NTRK3: variants seen among roughly 807,000 people sequenced by gnomAD.
The protein encoded by NTRK3 is NT-3 growth factor receptor.
In NTRK3, 24 loss-of-function variants were observed where a neutral mutation model predicts 91.7. The ratio of observed to expected loss-of-function variants is 0.26; its 90% CI spans 0.19 to 0.37. The LOEUF (loss-of-function observed/expected upper bound fraction) is 0.37. Among genes scored for constraint, NTRK3 ranks in the 10% least tolerant of loss-of-function variants. The pLI is 1.00. For synonymous variants in NTRK3, 483 were observed against 404.0 expected (o/e 1.20, Z -2.34); for missense variants, 880 against 1,068.9 (o/e 0.82, Z 2.46).
exon 17 of NTRK3, chr15:87,929,379 C>T (rs891767826): frequency 1.2e-6 from 2 of 1,614,118 alleles, no homozygotes; most frequent in African/African-American, 1.3e-5. Context: ...CCCAGCTCAC[C>T]CTTGGCCTGG....
intron 5 of NTRK3, among the ~76,000 whole-genome samples, chr15:88,157,399 T>G (rs1368712299): frequency 6.6e-6 from 1 of 151,894 alleles, no homozygotes; most frequent in East Asian, 1.9e-4. Flanking sequence ...CAAGGACATT[T>G]GGGTTTCTGC....
intron 14 of NTRK3, among the ~76,000 whole-genome samples, chr15:87,991,144 T>C (rs1244157862): frequency 6.6e-6 from 1 of 152,144 alleles, no homozygotes; most frequent in African/African-American, 2.4e-5. Context: ...TGTACCATCC[T>C]CATCATTTTC....
At chr15:88,017,750 C>T (rs747211242) in intron 14 of NTRK3, among the ~76,000 whole-genome samples, 3 of 152,180 alleles carry the variant, frequency 2.0e-5, no homozygotes, top group Non-Finnish European at 4.4e-5. Context: ...GTTGATGTCT[C>T]TGTCAAACCA....
At chr15:88,085,477 C>T (rs930216073) in intron 13 of NTRK3, among the ~76,000 whole-genome samples, 15 of 152,156 alleles carry the variant, frequency 9.9e-5, no homozygotes, top group African/African-American at 2.7e-4. Context: ...CCCCTTCAGC[C>T]GGCACCCCAG....
intron 13 of NTRK3, among the ~76,000 whole-genome samples, chr15:88,036,020 G>T (rs1250873249): frequency 3.3e-5 from 5 of 152,050 alleles, no homozygotes; most frequent in Admixed American, 1.3e-4. Flanking sequence ...TTGATAAAGA[G>T]ATCCACCATC....
chr15:88,047,317 C>A (rs2080312503), intron 13 of NTRK3, among the ~76,000 whole-genome samples: 1 of 152,022 alleles, frequency 6.6e-6, no homozygotes, highest in Non-Finnish European at 1.5e-5. Context: ...ATATAATATA[C>A]TTATGTGTAA....
rs2049406512 is a variant in NTRK3, at chr15:88,213,102, G to T, written c.249-28803C>A. On this transcript the variant is annotated intron_variant, in intron 3 of 18. Coordinates refer to ENST00000394480, the Ensembl canonical transcript of NTRK3. ...ATGCCTGACTGAGACTAGCACAAATGTCTTTCTGGTGTGGATTTTCTTGCA... is the reference window on the plus strand; with the variant it reads ...ATGCCTGACTGAGACTAGCACAAATTTCTTTCTGGTGTGGATTTTCTTGCA... Among the ~76,000 whole-genome samples the T allele has an allele frequency of 2.6e-5, 4 of 152,326 alleles. No homozygotes were observed. The South Asian group carries it at 8.3e-4, about 32-fold the overall frequency.
intron 14 of NTRK3, among the ~76,000 whole-genome samples, chr15:87,993,944 C>T (rs2075482847): frequency 6.6e-6 from 1 of 152,102 alleles, no homozygotes; most frequent in South Asian, 2.1e-4. Flanking sequence ...TTGCAAATAC[C>T]TAAATATCAA....
At position 88,240,749 on chromosome 15, in the gene NTRK3, TTAAAA is replaced by T. The variant is rs761203209; in HGVS notation, c.248+15152_248+15156del. The stretch of plus-strand genomic sequence containing the variant: ...TCACTGTGCTGAGAATGGAAGCGGG[TTAAAA>T]TAAAAGTCCCCTTAAAGGAGCCCCC... On this transcript the variant is annotated intron_variant, in intron 3 of 18. Coordinates refer to ENST00000394480, the Ensembl canonical transcript of NTRK3. The surrounding 1 kb of genome is among the most constrained non-coding windows in gnomAD (Gnocchi z 4.9). 2.0e-5 allele frequency among the ~76,000 whole-genome samples: 3 copies of T among 152,014 alleles called. No homozygotes were observed. Among genetic ancestry groups the T allele is most frequent in the Non-Finnish European group, 4.4e-5 (3 of 68,004 alleles).
Position 88,019,744 on chromosome 15 carries a change from G to C in NTRK3, c.1585+13113C>G, listed in dbSNP as rs543340806. Among the ~76,000 whole-genome samples, 6 of 152,286 alleles carry C rather than the reference G, an allele frequency of 3.9e-5. No individual in the cohort carries two copies. In the South Asian group the frequency reaches 1.2e-3, roughly 32 times the overall value. On this transcript the variant is annotated intron_variant, in intron 14 of 18. Transcript: ENST00000394480. ...CTGGTGATATAGCAAAATACAGAAAGGCAGAGGCAGGAGAATCACAAAAAG... is the reference window on the plus strand; with the variant it reads ...CTGGTGATATAGCAAAATACAGAAACGCAGAGGCAGGAGAATCACAAAAAG...
intron 3 of NTRK3, among the ~76,000 whole-genome samples, chr15:88,191,101 A>C (rs926876722): frequency 2.6e-5 from 4 of 151,836 alleles, no homozygotes; most frequent in African/African-American, 9.7e-5. Context: ...GCGGTACCTA[A>C]GCGTACGACA....
intron 5 of NTRK3, 130 bp downstream of exon 5, chr15:88,183,288 A>G: frequency 1.2e-6 from 1 of 862,398 alleles, no homozygotes; most frequent in South Asian, 1.4e-5. Context: ...TTGGAAGCCC[A>G]ATAAAGTTCA....
At chr15:88,144,677 C>A (rs542592712) in intron 6 of NTRK3, among the ~76,000 whole-genome samples, 1 of 152,202 alleles carries the variant, frequency 6.6e-6, no homozygotes, top group East Asian at 1.9e-4. Flanking sequence ...TTAACTTAGC[C>A]GAGCCTCAAA....
At chr15:87,866,410 C>A (rs2064679210) in exon 19 of NTRK3, 1 of 171,046 alleles carries the variant, frequency 5.8e-6, no homozygotes, top group East Asian at 1.1e-4. Context: ...AAAAAGTATA[C>A]ATTTACATAT....
intron 6 of NTRK3, among the ~76,000 whole-genome samples, chr15:88,138,925 A>C (rs1187498272): frequency 1.3e-5 from 2 of 152,248 alleles, no homozygotes; most frequent in African/African-American, 4.8e-5. Flanking sequence ...AGAAAAAGAG[A>C]GAACGAGACT....
intron 10 of NTRK3, chr15:88,132,027 C>G (rs1000765109): frequency 5.0e-6 from 1 of 200,038 alleles, no homozygotes; most frequent in East Asian, 7.6e-5. Flanking sequence ...CAAGAAGCGC[C>G]CCTTCTGTAA....
At chr15:88,220,313 C>T (rs1328069742) in intron 3 of NTRK3, among the ~76,000 whole-genome samples, 1 of 152,016 alleles carries the variant, frequency 6.6e-6, no homozygotes, top group Non-Finnish European at 1.5e-5. Context: ...GGTGATGGCC[C>T]ACAGGAAAAT....
chr15:87,945,291 C>T (rs1489082125), intron 14 of NTRK3, among the ~76,000 whole-genome samples: 1 of 152,210 alleles, frequency 6.6e-6, no homozygotes, highest in Non-Finnish European at 1.5e-5. Flanking sequence ...GAGGAAGCCA[C>T]CTGTAGATCT....
intron 3 of NTRK3, among the ~76,000 whole-genome samples, chr15:88,248,529 TG>T (rs1204212414): frequency 2.0e-5 from 3 of 152,176 alleles, no homozygotes; most frequent in African/African-American, 7.2e-5. Context: ...TGTGTGTGTG[TG>T]TGTGTGTGCA....
Sources: allele counts gnomAD v4.1 joint callset (sites outside exome capture counted in the v4.1 genomes callset), GRCh38; gene constraint gnomAD v4.1.1; non-coding constraint Gnocchi (gnomAD v3.1); transcripts MANE v1.5; gene names NCBI Gene and HGNC (gene_info 2026-07-23, HGNC 2026-07-21).